Variants in TSHR observed in about 807,000 individuals in gnomAD.
TSHR encodes the protein thyrotropin receptor.
In TSHR, 51 loss-of-function variants were observed where a neutral mutation model predicts 64.1. The observed-to-expected ratio is 0.80, with a 90% CI of 0.64 to 1.01. TSHR has a LOEUF of 1.01. Among genes scored for constraint, TSHR ranks in the 50% least tolerant of loss-of-function variants. The pLI is 0.00. For missense variants in TSHR, 877 were observed against 942.8 expected (o/e 0.93, Z 0.91); for synonymous variants, 361 against 361.9 (o/e 1.00, Z 0.03).
At chr14:81,064,738 C>G (rs1886485816) in intron 2 of TSHR, among the ~76,000 whole-genome samples, 1 of 151,944 alleles carries the variant, frequency 6.6e-6, no homozygotes, top group Non-Finnish European at 1.5e-5. Context: ...TGGGGGCACT[C>G]AGGGGAGAGA....
intron 4 of TSHR, among the ~76,000 whole-genome samples, 190 bp downstream of exon 4, chr14:81,088,218 A>G (rs74693339): frequency 0.024 from 3,640 of 152,268 alleles, 122 homozygotes; most frequent in African/African-American, 0.071. Context: ...TCAGCACATA[A>G]TGCTGGAACC....
chr14:80,982,163 G>A (rs1367841047), intron 1 of TSHR: 2 of 584,858 alleles, frequency 3.4e-6, no homozygotes, highest in Middle Eastern at 2.9e-4. Context: ...CAGAGATGAA[G>A]GCAGTGTCTA....
intron 6 of TSHR, among the ~76,000 whole-genome samples, chr14:81,095,824 G>T (rs560782816): frequency 6.6e-6 from 1 of 152,106 alleles, no homozygotes; most frequent in Non-Finnish European, 1.5e-5. Flanking sequence ...TGAGGCAGGC[G>T]GATCACTTGA....
intron 8 of TSHR, among the ~76,000 whole-genome samples, chr14:81,125,771 G>A (rs766740540): frequency 5.9e-5 from 9 of 152,026 alleles, no homozygotes; most frequent in South Asian, 2.1e-4. Context: ...AAGACAAACT[G>A]CCGTCTTGCA....
chr14:81,141,734 C>G (rs1236978434), intron 9 of TSHR, among the ~76,000 whole-genome samples: 2 of 152,058 alleles, frequency 1.3e-5, no homozygotes, highest in Non-Finnish European at 2.9e-5. Flanking sequence ...CATGGTGAAA[C>G]CCTGTATCTA....
chr14:81,072,760 G>A (rs989436819), intron 3 of TSHR, among the ~76,000 whole-genome samples: 15 of 138,444 alleles, frequency 1.1e-4, no homozygotes, highest in Admixed American at 4.1e-4. Context: ...AGCTTTGGGA[G>A]GCCGAGGCGG....
chr14:81,058,445 T>C (rs1885980686), intron 1 of TSHR, among the ~76,000 whole-genome samples: 1 of 152,222 alleles, frequency 6.6e-6, no homozygotes, highest in East Asian at 1.9e-4. Context: ...ATTCTCCACA[T>C]AGGATACAAG....
At chr14:80,972,417 A>G (rs1271923680) in intron 1 of TSHR, among the ~76,000 whole-genome samples, 2 of 152,258 alleles carry the variant, frequency 1.3e-5, no homozygotes, top group African/African-American at 4.8e-5. Flanking sequence ...TCTCATTTAG[A>G]TGCAAAACTG....
At chr14:81,107,841 C>T (rs1889993906) in intron 7 of TSHR, among the ~76,000 whole-genome samples, 1 of 152,086 alleles carries the variant, frequency 6.6e-6, no homozygotes, top group Non-Finnish European at 1.5e-5. Context: ...CATTGTTTAT[C>T]TGAAACTCAA....
At chr14:80,975,078 AT>A (rs1332910334) in intron 1 of TSHR, among the ~76,000 whole-genome samples, 1 of 152,212 alleles carries the variant, frequency 6.6e-6, no homozygotes, top group Non-Finnish European at 1.5e-5. Context: ...GTCATGTCCT[AT>A]TTCAGAGAAC....
intron 1 of TSHR, among the ~76,000 whole-genome samples, chr14:81,044,983 A>T (rs965449047): frequency 5.3e-5 from 8 of 152,218 alleles, no homozygotes; most frequent in African/African-American, 1.9e-4. Context: ...AATAGCAAAG[A>T]CGTAGAATCA....
At chr14:80,959,136 A>T (rs1402683140) in intron 1 of TSHR, among the ~76,000 whole-genome samples, 7 of 152,094 alleles carry the variant, frequency 4.6e-5, no homozygotes, top group African/African-American at 1.7e-4. Context: ...CTCACTGAAG[A>T]AGTGATGCTG....
At chr14:81,099,924 G>GA (rs1227308834) in intron 7 of TSHR, among the ~76,000 whole-genome samples, 3 of 150,988 alleles carry the variant, frequency 2.0e-5, no homozygotes, top group Admixed American at 6.6e-5. Flanking sequence ...CTCAGTGTAG[G>GA]TCTAGCAGCT....
intron 9 of TSHR, among the ~76,000 whole-genome samples, chr14:81,141,858 G>A (rs921794529): frequency 2.0e-5 from 3 of 152,182 alleles, no homozygotes; most frequent in Admixed American, 6.5e-5. Flanking sequence ...TTAGAGCTTT[G>A]AATAGGAATA....
At chr14:81,091,889 T>C (rs1595094332) in intron 5 of TSHR, among the ~76,000 whole-genome samples, 1 of 152,342 alleles carries the variant, frequency 6.6e-6, no homozygotes, top group East Asian at 1.9e-4. Flanking sequence ...ACTAATTGTA[T>C]AGGAATGAAA....
chr14:80,999,494 T>C (rs576199331), intron 1 of TSHR, among the ~76,000 whole-genome samples: 35 of 152,232 alleles, frequency 2.3e-4, no homozygotes, highest in Non-Finnish European at 4.6e-4. Context: ...GTGTGTGTTA[T>C]CTAACAGATT....
chr14:80,987,033 A>C (rs1202390009), intron 1 of TSHR, among the ~76,000 whole-genome samples: 1 of 152,172 alleles, frequency 6.6e-6, no homozygotes, highest in Non-Finnish European at 1.5e-5. Context: ...CCCAACATTC[A>C]TGCACTATCG....
At chr14:81,099,127 C>T (rs767968522) in intron 7 of TSHR, among the ~76,000 whole-genome samples, 4 of 152,174 alleles carry the variant, frequency 2.6e-5, no homozygotes, top group Non-Finnish European at 4.4e-5. Context: ...GTAGCAGGAT[C>T]ATGGGGATTT....
chr14:81,058,452 C>A (rs1885981246), intron 1 of TSHR, among the ~76,000 whole-genome samples: 1 of 152,206 alleles, frequency 6.6e-6, no homozygotes, highest in East Asian at 1.9e-4. Context: ...ACATAGGATA[C>A]AAGACTATAG....
Sources: allele counts gnomAD v4.1 joint callset (sites outside exome capture counted in the v4.1 genomes callset), GRCh38; gene constraint gnomAD v4.1.1; transcripts MANE v1.5; gene names NCBI Gene and HGNC (gene_info 2026-07-23, HGNC 2026-07-21).